Variants in CDH13 observed in about 807,000 individuals in gnomAD.
CDH13 encodes cadherin 13.
Under a neutral mutation model 63.8 loss-of-function variants are expected in CDH13, and 24 were observed. The observed-to-expected ratio is 0.38, with a 90% CI of 0.27 to 0.53. The LOEUF (loss-of-function observed/expected upper bound fraction) is 0.53, where lower values mean the gene tolerates loss of function less well. CDH13 is among the 20% of genes least tolerant of loss of function. The pLI, the probability that CDH13 is intolerant of heterozygous loss-of-function variation, is 0.85. For missense variants in CDH13, 1,049 were observed against 903.1 expected (o/e 1.16, Z -2.07); for synonymous variants, 503 against 355.3 (o/e 1.42, Z -4.67).
chr16:83,349,253 G>C (rs1248666450), intron 6 of CDH13, among the ~76,000 whole-genome samples: 2 of 152,200 alleles, frequency 1.3e-5, no homozygotes, highest in Admixed American at 1.3e-4. Flanking sequence ...GGGGCATACA[G>C]ATCTCTGTGT....
intron 7 of CDH13, among the ~76,000 whole-genome samples, chr16:83,550,883 CT>C (rs1041631768): frequency 4.6e-5 from 7 of 152,068 alleles, no homozygotes; most frequent in African/African-American, 7.2e-5. Flanking sequence ...TCTAAGTTGC[CT>C]TGCATTCCTC....
chr16:82,757,442 C>G (rs1409930730), intron 1 of CDH13, among the ~76,000 whole-genome samples: 1 of 100,094 alleles, frequency 1.0e-5, no homozygotes, highest in African/African-American at 2.8e-5. Flanking sequence ...TGGGAGGAAG[C>G]CTTGGAGCAA....
intron 6 of CDH13, among the ~76,000 whole-genome samples, chr16:83,362,752 T>A (rs1457318681): frequency 6.6e-6 from 1 of 152,212 alleles, no homozygotes; most frequent in Non-Finnish European, 1.5e-5. Context: ...GTATGCCTGC[T>A]TTTCCTCTAT....
intron 10 of CDH13, among the ~76,000 whole-genome samples, chr16:83,733,465 A>T (rs1911236363): frequency 6.6e-6 from 1 of 152,126 alleles, no homozygotes; most frequent in African/African-American, 2.4e-5. Flanking sequence ...TCATCACCTA[A>T]GCTAAGCACA....
chr16:83,599,536 A>C (rs923180304), intron 7 of CDH13, among the ~76,000 whole-genome samples: 4 of 152,214 alleles, frequency 2.6e-5, no homozygotes, highest in African/African-American at 7.2e-5. Flanking sequence ...AAGCAGCCAA[A>C]ATGTATATAA....
At chr16:83,754,905 T>C (rs937647340) in intron 11 of CDH13, among the ~76,000 whole-genome samples, 1 of 152,164 alleles carries the variant, frequency 6.6e-6, no homozygotes, top group Admixed American at 6.5e-5. Flanking sequence ...TAGCACCATA[T>C]GTCATCTGGA....
intron 6 of CDH13, among the ~76,000 whole-genome samples, chr16:83,470,935 G>C (rs1183499126): frequency 1.3e-5 from 2 of 152,156 alleles, no homozygotes; most frequent in Non-Finnish European, 2.9e-5. Flanking sequence ...GAGGCTCCAG[G>C]GGAGAATCCA....
intron 4 of CDH13, among the ~76,000 whole-genome samples, chr16:83,216,075 C>G (rs576905266): frequency 1.3e-4 from 20 of 151,692 alleles, no homozygotes; most frequent in African/African-American, 4.8e-4. Flanking sequence ...GCAAAACTTT[C>G]CAGACTCTTC....
chr16:82,717,861 G>C (rs1250265088), intron 1 of CDH13, among the ~76,000 whole-genome samples: 3 of 101,922 alleles, frequency 2.9e-5, no homozygotes, highest in African/African-American at 1.1e-4. Context: ...GGGTTCATCA[G>C]TTAGTGGGGG....
intron 1 of CDH13, among the ~76,000 whole-genome samples, chr16:82,827,233 G>C (rs910442764): frequency 6.6e-6 from 1 of 152,222 alleles, no homozygotes; most frequent in Admixed American, 6.5e-5. Flanking sequence ...CAGAGAGAGA[G>C]TGGCATAAGC....
At chr16:83,594,314 G>A (rs1003630009) in intron 7 of CDH13, among the ~76,000 whole-genome samples, 1 of 152,156 alleles carries the variant, frequency 6.6e-6, no homozygotes, top group African/African-American at 2.4e-5. Flanking sequence ...ATCCTATAAG[G>A]ATTATTCTCC....
chr16:82,658,416 C>A (rs914833988), intron 1 of CDH13, among the ~76,000 whole-genome samples: 4 of 152,162 alleles, frequency 2.6e-5, no homozygotes, highest in African/African-American at 9.7e-5. Flanking sequence ...GTTCAACAAG[C>A]CTTGCATACC....
intron 8 of CDH13, among the ~76,000 whole-genome samples, chr16:83,646,983 A>T (rs1911882577): frequency 1.3e-5 from 2 of 152,036 alleles, no homozygotes; most frequent in Admixed American, 1.3e-4. Context: ...GGCACCTGGG[A>T]CTGCAGGCTT....
In CDH13 at chr16:83,795,141, G is replaced by C. The variant is rs1422026208; in HGVS notation, c.*111G>C. The C allele has an allele frequency of 2.4e-6, 2 of 843,822 alleles. No homozygotes were observed. Among genetic ancestry groups the C allele is most frequent in the African/African-American group, 3.5e-5 (2 of 57,814 alleles). The allele number at this position is 843,822 out of a possible 1,614,324, so 52.3% of individuals were successfully genotyped here. A position where few individuals can be genotyped will look rare whatever the true frequency, so the allele number is the denominator to read the frequency against. The stretch of plus-strand genomic sequence containing the variant: ...TACAGCTATCGAACTTCACAACTAG[G>C]CCTCAATTGTTCCGGTTTTTTATTT... On this transcript the variant is annotated 3_prime_UTR_variant, in exon 14 of 14. Coordinates refer to ENST00000567109, the MANE Select transcript of CDH13 (RefSeq NM_001257.5).
At chr16:83,310,183 C>T (rs2089968984) in intron 5 of CDH13, among the ~76,000 whole-genome samples, 1 of 152,126 alleles carries the variant, frequency 6.6e-6, no homozygotes, top group Non-Finnish European at 1.5e-5. Flanking sequence ...AACAAGTGAA[C>T]TAACCTTGTG....
chr16:82,653,810 G>C (rs1329168791), intron 1 of CDH13, among the ~76,000 whole-genome samples: 2 of 152,186 alleles, frequency 1.3e-5, no homozygotes, highest in Non-Finnish European at 2.9e-5. Context: ...CCTGCACCGG[G>C]GCGCAGGATG....
intron 1 of CDH13, chr16:82,829,297 C>G (rs537052006): frequency 6.6e-6 from 1 of 151,900 alleles, no homozygotes; most frequent in African/African-American, 2.4e-5. Flanking sequence ...ATTAAGGGAG[C>G]GTATAACCTT....
intron 8 of CDH13, among the ~76,000 whole-genome samples, chr16:83,636,979 A>T (rs1911321225): frequency 6.6e-6 from 1 of 152,108 alleles, no homozygotes; most frequent in African/African-American, 2.4e-5. Context: ...GTAACTCATT[A>T]TGGTTTTGAT....
intron 1 of CDH13, among the ~76,000 whole-genome samples, chr16:82,762,883 T>A (rs375021391): frequency 6.6e-6 from 1 of 152,222 alleles, no homozygotes; most frequent in African/African-American, 2.4e-5. Flanking sequence ...ATAGCCATTA[T>A]TGTGGAGTCC....
Sources: gnomAD v4.1 joint callset for allele counts (sites outside exome capture counted in the v4.1 genomes callset) on GRCh38, gnomAD v4.1.1 for gene constraint, MANE v1.5 for transcripts, NCBI Gene and HGNC (gene_info 2026-07-23, HGNC 2026-07-21) for gene names.